The following SQLE variants were observed in gnomAD, a reference collection of about 807,000 sequenced individuals.
SQLE encodes the protein squalene monooxygenase.
In SQLE, 29 loss-of-function variants were observed where a neutral mutation model predicts 60.7. The observed-to-expected ratio is 0.48, with a 90% CI of 0.36 to 0.65. The LOEUF is 0.65. Ranked by LOEUF, SQLE falls within the 30% of genes least tolerant of loss-of-function variation. The probability of loss-of-function intolerance (pLI) is 0.00; values close to 1 mark genes in which losing one functional copy is unlikely to be tolerated. For synonymous variants in SQLE, 237 were observed against 246.8 expected (o/e 0.96, Z 0.37); for missense variants, 605 against 684.1 (o/e 0.88, Z 1.29).
chr8:125,017,955 T>C (rs1815135913), intron 7 of SQLE, 104 bp from the exon 8 acceptor site: 2 of 1,300,236 alleles, frequency 1.5e-6, no homozygotes, highest in Admixed American at 4.9e-5. Context: ...TTCACATTTT[T>C]CTTATTATTA....
chr8:125,000,167 C>A, intron 1 of SQLE: 1 of 398,680 alleles, frequency 2.5e-6, no homozygotes, highest in Non-Finnish European at 4.9e-6. Flanking sequence ...CATTTTGAGG[C>A]ATTGGGCTCA....
intron 2 of SQLE, among the ~76,000 whole-genome samples, chr8:125,004,511 TATC>T (rs1209787945): frequency 2.0e-5 from 3 of 151,540 alleles, no homozygotes; most frequent in South Asian, 2.1e-4. Flanking sequence ...TTATCAGTTT[TATC>T]ATAATCTCAT....
chr8:125,018,967 T>C (rs2129910560), intron 9 of SQLE: 2 of 427,896 alleles, frequency 4.7e-6, no homozygotes, highest in East Asian at 5.2e-5. Context: ...ATATTCATTA[T>C]TTTGAATTCC....
Position 125,003,138 on chromosome 8 carries a change from A to G in SQLE, c.292-38A>G, listed in dbSNP as rs184026061. On this transcript the variant is annotated intron_variant, in intron 1 of 10. Transcript: ENST00000265896. Reference sequence around the variant, plus strand: ...GCGGTAGCATGATTTGAATCTAACAAATTTGGATACCTAGTTTACCTTTTT... The same window carrying G: ...GCGGTAGCATGATTTGAATCTAACAGATTTGGATACCTAGTTTACCTTTTT... 48 of 1,544,468 alleles carry G rather than the reference A, an allele frequency of 3.1e-5. No individual in the cohort carries two copies. In the East Asian group the frequency reaches 1.0e-3, roughly 33 times the overall value.
In SQLE at chr8:124,998,641, A is replaced by G; in HGVS notation, c.-763A>G. On this transcript the variant is annotated 5_prime_UTR_variant, in exon 1 of 11. An upstream open reading frame in the 5' UTR loses its in-frame stop. Coordinates refer to ENST00000265896, the MANE Select transcript of SQLE (RefSeq NM_003129.4). The stretch of plus-strand genomic sequence containing the variant: ...CGTCGGGAGCCGCCGCCGCCATCTG[A>G]GGGAGGTACCCTGGAAACCACCTTT... 1 of 677,752 alleles carries G rather than the reference A, an allele frequency of 1.5e-6. No individual in the cohort carries two copies. Among genetic ancestry groups the G allele is most frequent in the Non-Finnish European group, 2.7e-6 (1 of 373,110 alleles). 42.0% of individuals were successfully genotyped at this position (677,752 alleles called of 1,614,324 possible). A position where few individuals can be genotyped will look rare whatever the true frequency, so the allele number is the denominator to read the frequency against.
intron 7 of SQLE, 171 bp from the exon 8 acceptor site, chr8:125,017,888 A>G (rs1414227368): frequency 1.7e-5 from 12 of 722,278 alleles, no homozygotes; most frequent in Non-Finnish European, 2.6e-5. Context: ...CATTGATTCA[A>G]ACAACTCTTG....
chr8:125,009,467 C>T, intron 6 of SQLE, 124 bp downstream of exon 6: 2 of 1,005,138 alleles, frequency 2.0e-6, no homozygotes, highest in Non-Finnish European at 2.7e-6. Flanking sequence ...TAAACTAGCA[C>T]TTAAAAACAG....
At position 124,999,397 on chromosome 8, in the gene SQLE, T is replaced by C; in HGVS notation, c.-7T>C. 2.7e-6 allele frequency: 4 copies of C among 1,501,840 alleles called. No homozygotes were observed. The highest frequency in any genetic ancestry group is 3.6e-6 in the Non-Finnish European group (4 of 1,124,958). The allele number at this position is 1,501,840 out of a possible 1,614,324, so 93.0% of individuals were successfully genotyped here. A position where few individuals can be genotyped will look rare whatever the true frequency, so the allele number is the denominator to read the frequency against. Reference sequence around the variant, plus strand: ...TTGACCGGTGCCACCAAAGAAGCCTTGGAACCATGTGGACTTTTCTGGGCA... The same window carrying C: ...TTGACCGGTGCCACCAAAGAAGCCTCGGAACCATGTGGACTTTTCTGGGCA... On this transcript the variant is annotated 5_prime_UTR_variant, in exon 1 of 11. Coordinates refer to ENST00000265896, the MANE Select transcript of SQLE (RefSeq NM_003129.4).
At chr8:125,018,764 T>G in intron 9 of SQLE, 37 bp downstream of exon 9, 1 of 1,344,842 alleles carries the variant, frequency 7.4e-7, no homozygotes, top group Non-Finnish European at 1.0e-6. Context: ...ATTACTCAAT[T>G]GCAGATTTTT....
At chr8:125,001,389 G>T (rs1167620542) in intron 1 of SQLE, among the ~76,000 whole-genome samples, 8 of 151,584 alleles carry the variant, frequency 5.3e-5, no homozygotes, top group Non-Finnish European at 8.8e-5. Flanking sequence ...GTTCCCATTA[G>T]TGCTTACTCT....
At chr8:125,012,674 G>T (rs1236641503) in intron 7 of SQLE, among the ~76,000 whole-genome samples, 1 of 152,124 alleles carries the variant, frequency 6.6e-6, no homozygotes, top group East Asian at 1.9e-4. Flanking sequence ...AGATATTTGG[G>T]TTGTTTCTAC....
chr8:125,016,858 C>T lies in SQLE; in HGVS notation c.1205-1201C>T, dbSNP rs1300312158. Among the ~76,000 whole-genome samples, 1 of 152,116 alleles carries T rather than the reference C, an allele frequency of 6.6e-6. No homozygotes were observed. The highest frequency in any genetic ancestry group is 1.5e-5 in the Non-Finnish European group (1 of 68,032). On this transcript the variant is annotated intron_variant, in intron 7 of 10. Transcript: ENST00000265896. This position sits in a 1 kb window ranked among gnomAD's most constrained non-coding sequence, Gnocchi z 4.1. ...ACCCCAAGTCCAGTAACATTGTGACCCTTGCAGACTTGTAGAGGTACCGCC... is the reference window on the plus strand; with the variant it reads ...ACCCCAAGTCCAGTAACATTGTGACTCTTGCAGACTTGTAGAGGTACCGCC...
At chr8:125,007,549 C>T in intron 4 of SQLE, 62 bp downstream of exon 4, 1 of 1,166,590 alleles carries the variant, frequency 8.6e-7, no homozygotes, top group Admixed American at 2.5e-5. Flanking sequence ...TTTTCACTTA[C>T]CCCTTTAAAA....
intron 1 of SQLE, among the ~76,000 whole-genome samples, 188 bp from the exon 2 acceptor site, chr8:125,002,988 C>T (rs190922258): frequency 7.2e-5 from 11 of 152,058 alleles, no homozygotes; most frequent in East Asian, 3.9e-4. Flanking sequence ...TTTTATTTAA[C>T]GAATATTTTG....
At chr8:125,011,721 G>A in intron 7 of SQLE, 89 bp downstream of exon 7, 1 of 1,140,326 alleles carries the variant, frequency 8.8e-7, no homozygotes, top group South Asian at 1.4e-5. Flanking sequence ...AATAACTTCT[G>A]GGACAGATAG....
chr8:125,012,426 C>T (rs1456577156), intron 7 of SQLE, among the ~76,000 whole-genome samples: 1 of 152,166 alleles, frequency 6.6e-6, no homozygotes, highest in Non-Finnish European at 1.5e-5. Context: ...CCCATTTCCT[C>T]CCAACACTCA....
chr8:125,010,766 G>T (rs1421971511), intron 6 of SQLE, among the ~76,000 whole-genome samples: 1 of 151,452 alleles, frequency 6.6e-6, no homozygotes, highest in African/African-American at 2.4e-5. Flanking sequence ...TGTAAATGTG[G>T]TGGTTTTTCT....
In SQLE at chr8:125,016,743, T is replaced by C. The variant is rs10481152; in HGVS notation, c.1205-1316T>C. Among the ~76,000 whole-genome samples the C allele has an allele frequency of 0.38, 58,335 of 152,018 alleles. 13,203 individuals carry two copies. The highest frequency in any genetic ancestry group is 0.62 in the African/African-American group (25,814 of 41,434). ...GAGTCTGGGCTTGTTTGTACCCATC[T>C]TTCTTGGGAACGCTTTTGAAGTATT... On this transcript the variant is annotated intron_variant, in intron 7 of 10. Coordinates refer to ENST00000265896, the MANE Select transcript of SQLE (RefSeq NM_003129.4). This position sits in a 1 kb window ranked among gnomAD's most constrained non-coding sequence, Gnocchi z 4.1.
chr8:125,020,896 A>T, intron 10 of SQLE, 25 bp downstream of exon 10: 3 of 1,550,702 alleles, frequency 1.9e-6, no homozygotes, highest in Non-Finnish European at 2.7e-6. Flanking sequence ...CACAGAGGAT[A>T]CAAACCTGCC....
Sources: allele counts gnomAD v4.1 joint callset (sites outside exome capture counted in the v4.1 genomes callset), GRCh38; gene constraint gnomAD v4.1.1; non-coding constraint Gnocchi (gnomAD v3.1); transcripts MANE v1.5; gene names NCBI Gene and HGNC (gene_info 2026-07-23, HGNC 2026-07-21).